Variants in PAPLN observed in about 807,000 individuals in gnomAD.
The protein encoded by PAPLN is papilin, proteoglycan like sulfated glycoprotein.
PAPLN carries 146 observed loss-of-function variants against 159.0 expected under a neutral mutation model. The observed-to-expected ratio is 0.92, with a 90% CI of 0.80 to 1.05. PAPLN has a LOEUF of 1.05. PAPLN is among the 50% of genes least tolerant of loss of function. The pLI is 0.00. For missense variants in PAPLN, 1,720 were observed against 1,743.9 expected (o/e 0.99, Z 0.24); for synonymous variants, 734 against 702.9 (o/e 1.04, Z -0.70).
chr14:73,245,340 A>G lies in PAPLN; in HGVS notation c.171-296A>G. 1 of 429,814 alleles carries G rather than the reference A, an allele frequency of 2.3e-6. No homozygotes were observed. 26.6% of individuals were successfully genotyped at this position (429,814 alleles called of 1,614,324 possible). ...GGATGGCTGTGCCAAGCGGGTGGGT[A>G]TTATATCTCATGCACCTCGGGTCTT... On this transcript the variant is annotated intron_variant, in intron 3 of 26. Coordinates refer to ENST00000644200, the MANE Select transcript of PAPLN (RefSeq NM_001365906.3). This position sits in a 1 kb window ranked among gnomAD's most constrained non-coding sequence, Gnocchi z 4.2.
chr14:73,237,951 T>C (rs1370942156), intron 1 of PAPLN, among the ~76,000 whole-genome samples: 4 of 152,044 alleles, frequency 2.6e-5, no homozygotes, highest in Non-Finnish European at 4.4e-5. Flanking sequence ...GAGGTGCCAC[T>C]GGGCCGCGGG....
At chr14:73,258,703 A>G (rs539596875) in intron 14 of PAPLN, among the ~76,000 whole-genome samples, 1 of 150,478 alleles carries the variant, frequency 6.6e-6, no homozygotes, top group East Asian at 2.0e-4. Context: ...TTGAGGCTTT[A>G]GTGAGCCATG....
intron 14 of PAPLN, 121 bp downstream of exon 14, chr14:73,255,139 C>A (rs61986934): frequency 2.2e-6 from 3 of 1,347,212 alleles, no homozygotes; most frequent in East Asian, 5.1e-5. Context: ...CTGGACCCCA[C>A]TTCTCCCATG....
intron 2 of PAPLN, among the ~76,000 whole-genome samples, chr14:73,240,351 G>A (rs943318263): frequency 6.6e-6 from 1 of 152,140 alleles, no homozygotes; most frequent in Non-Finnish European, 1.5e-5. Context: ...CCAATAGGTA[G>A]CCCCTAGGTC....
chr14:73,252,886 G>A lies in PAPLN; in HGVS notation c.1094+111G>A, dbSNP rs1009725609. The A allele has an allele frequency of 3.2e-5, 48 of 1,504,638 alleles. No homozygotes were observed. The East Asian group carries it at 1.1e-3, about 34-fold the overall frequency. 93.2% of individuals were successfully genotyped at this position (1,504,638 alleles called of 1,614,324 possible). A position where few individuals can be genotyped will look rare whatever the true frequency, so the allele number is the denominator to read the frequency against. On this transcript the variant is annotated intron_variant, in intron 11 of 26. Transcript: ENST00000644200. ...TAGAACAAAGAGGTGGGGGTCCAGG[G>A]CCCCCCACGCTGTGGCTGGGGTGTG...
intron 25 of PAPLN, 22 bp from the exon 26 acceptor site, chr14:73,268,535 C>T: frequency 6.2e-7 from 1 of 1,603,384 alleles, no homozygotes; most frequent in Non-Finnish European, 8.5e-7. Flanking sequence ...TGATGGCTCT[C>T]CCAGTGTCCT....
At chr14:73,260,425 C>G (rs1886427633) in intron 16 of PAPLN, among the ~76,000 whole-genome samples, 1 of 152,172 alleles carries the variant, frequency 6.6e-6, no homozygotes, top group Non-Finnish European at 1.5e-5. Context: ...CATCCCCCTT[C>G]TTTGTTTTGT....
chr14:73,254,761 C>T (rs1030610713), intron 13 of PAPLN, 66 bp downstream of exon 13: 8 of 1,591,568 alleles, frequency 5.0e-6, no homozygotes, highest in African/African-American at 2.7e-5. Context: ...TGCACCCGAG[C>T]GCCGTCCTTG....
At position 73,245,044 on chromosome 14, in the gene PAPLN, G is replaced by A. The variant is rs1479734729; in HGVS notation, c.170+285G>A. Reference sequence around the variant, plus strand: ...TATGGCAGGTGCAGTCAATTTTGCTGGAACTGGTAAATAATCTTCAACCGG... The same window carrying A: ...TATGGCAGGTGCAGTCAATTTTGCTAGAACTGGTAAATAATCTTCAACCGG... On this transcript the variant is annotated intron_variant, in intron 3 of 26. Coordinates refer to ENST00000644200, the MANE Select transcript of PAPLN (RefSeq NM_001365906.3). This position sits in a 1 kb window ranked among gnomAD's most constrained non-coding sequence, Gnocchi z 4.2. 1 of 302,544 alleles carries A rather than the reference G, an allele frequency of 3.3e-6. No homozygotes were observed. The highest frequency in any genetic ancestry group is 6.4e-5 in the East Asian group (1 of 15,512). The allele number at this position is 302,544 out of a possible 1,614,324, so 18.7% of individuals were successfully genotyped here. A position where few individuals can be genotyped will look rare whatever the true frequency, so the allele number is the denominator to read the frequency against.
rs76966651 is a variant in PAPLN, at chr14:73,254,719, C to T, written c.1485+24C>T. 1.3e-3 allele frequency: 2,021 copies of T among 1,608,548 alleles called. 30 individuals are homozygous for T. In the African/African-American group the frequency reaches 0.024, roughly 19 times the overall value. On this transcript the variant is annotated intron_variant, in intron 13 of 26. Coordinates refer to ENST00000644200, the MANE Select transcript of PAPLN (RefSeq NM_001365906.3). ...TAGTGAGTGCTCTCCACCCCCACAC[C>T]TGCTGCCTGACCCTGGTCTCTGGCA... is the stretch of plus-strand genomic sequence containing the variant.
rs537476996 is a variant in PAPLN, at chr14:73,246,565, C to T, written c.334+390C>T. 5.7e-4 allele frequency among the ~76,000 whole-genome samples: 86 copies of T among 151,172 alleles called. 2 individuals are homozygous for T. In the East Asian group the frequency reaches 6.6e-3, roughly 12 times the overall value. ...TTCTTTATCTTTTTTTCTTTTCTTTCTCTCTCGTTCTCTCTCGCTTGCTCT... is the reference window on the plus strand; with the variant it reads ...TTCTTTATCTTTTTTTCTTTTCTTTTTCTCTCGTTCTCTCTCGCTTGCTCT... On this transcript the variant is annotated intron_variant, in intron 5 of 26. Transcript: ENST00000644200.
In PAPLN at chr14:73,259,466, G is replaced by A. The variant is rs757481136; in HGVS notation, c.1906G>A (p.Gly636Arg). 1.1e-5 allele frequency: 17 copies of A among 1,610,898 alleles called. No homozygotes were observed. The highest frequency in any genetic ancestry group is 5.5e-5 in the South Asian group (5 of 90,660). Residue 636 changes from glycine (G) to arginine (R), a missense_variant, in exon 16 of 27, where the codon GGG (glycine) becomes AGG (arginine). Gly to Arg is a moderately radical substitution (Grantham distance 125). Transcript: ENST00000644200. ...GPHDCRHSPH[G>R]CCPDGHTASL... ...CCACGACTGCAGACACAGTCCTCACGGGTGCTGCCCCGATGGCCACACGGC... is the reference window on the plus strand; with the variant it reads ...CCACGACTGCAGACACAGTCCTCACAGGTGCTGCCCCGATGGCCACACGGC...
At chr14:73,258,617 C>CAAAA (rs1886185756) in intron 14 of PAPLN, among the ~76,000 whole-genome samples, 1 of 30,872 alleles carries the variant, frequency 3.2e-5, no homozygotes, top group African/African-American at 1.8e-4. Flanking sequence ...GACCCTATCT[C>CAAAA]TAAAAAAAAA....
chr14:73,262,146 C>G, intron 18 of PAPLN: 1 of 544,916 alleles, frequency 1.8e-6, no homozygotes, highest in South Asian at 3.2e-5. Context: ...TGCTGTGGCA[C>G]CAGCCGGGGG....
chr14:73,245,652 A>G lies in PAPLN; in HGVS notation c.187A>G (p.Ser63Gly), dbSNP rs770822188. 3 of 1,560,146 alleles carry G rather than the reference A, an allele frequency of 1.9e-6. No homozygotes were observed. The South Asian group carries it at 3.5e-5, about 18-fold the overall frequency. Residue 63 changes from serine (S) to glycine (G), a missense_variant, in exon 4 of 27, where the codon AGC (serine) becomes GGC (glycine). Transcript: ENST00000644200. The surrounding 1 kb of genome is among the most constrained non-coding windows in gnomAD (Gnocchi z 4.2). ...CYSQRRDGGS[S>G]CVGPARSHRS... Reference sequence around the variant, plus strand: ...GTCCCGCAGGAGAGATGGAGGCTCCAGCTGCGTGGGCCCCGCCCGGAGCCA... The same window carrying G: ...GTCCCGCAGGAGAGATGGAGGCTCCGGCTGCGTGGGCCCCGCCCGGAGCCA...
chr14:73,268,530 G>A, intron 25 of PAPLN, 27 bp from the exon 26 acceptor site: 1 of 1,598,012 alleles, frequency 6.3e-7, no homozygotes. Flanking sequence ...GCCCTTGATG[G>A]CTCTCCCAGT....
intron 16 of PAPLN, among the ~76,000 whole-genome samples, chr14:73,259,761 C>T (rs545320357): frequency 1.3e-5 from 2 of 152,262 alleles, no homozygotes; most frequent in African/African-American, 2.4e-5. Flanking sequence ...AGTGGGGACA[C>T]AAACCCCCAC....
rs73306826 is a variant in PAPLN at position 73,260,670 on chromosome 14, G to A, written c.1986-39G>A. On this transcript the variant is annotated intron_variant, in intron 16 of 26. Transcript: ENST00000644200. ...GTCCTGGGATGCAGGGAGCGTGGGGGCAGGCTGGGCAGTGAGGGGCTGTGT... is the reference window on the plus strand; with the variant it reads ...GTCCTGGGATGCAGGGAGCGTGGGGACAGGCTGGGCAGTGAGGGGCTGTGT... The A allele has an allele frequency of 3.3e-3, 4,686 of 1,409,080 alleles. 111 individuals are homozygous for A. The African/African-American group carries it at 0.052, about 15-fold the overall frequency. The allele number at this position is 1,409,080 out of a possible 1,614,324, so 87.3% of individuals were successfully genotyped here. A position where few individuals can be genotyped will look rare whatever the true frequency, so the allele number is the denominator to read the frequency against.
At position 73,251,537 on chromosome 14, in the gene PAPLN, A is replaced by C; in HGVS notation, c.641A>C (p.Asp214Ala). The C allele has an allele frequency of 6.2e-7, 1 of 1,612,394 alleles. No individual in the cohort carries two copies. Among genetic ancestry groups the C allele is most frequent in the Non-Finnish European group, 8.5e-7 (1 of 1,179,870 alleles). ...VPMGATSILI[D>A]EAAASRNFLA... The stretch of plus-strand genomic sequence containing the variant: ...ATGGGTGCCACCAGCATCCTCATCG[A>C]CGAGGCTGCTGCCAGCAGGAACTTC... Residue 214 changes from aspartate to alanine, a missense_variant, in exon 8 of 27, where the codon GAC (aspartate) becomes GCC (alanine). Asp to Ala is a moderately radical substitution (Grantham distance 126). Transcript: ENST00000644200.
Sources: allele counts gnomAD v4.1 joint callset (sites outside exome capture counted in the v4.1 genomes callset), GRCh38; gene constraint gnomAD v4.1.1; non-coding constraint Gnocchi (gnomAD v3.1); transcripts MANE v1.5; gene names NCBI Gene and HGNC (gene_info 2026-07-23, HGNC 2026-07-21).